Variants in ARFGEF3 observed in about 807,000 individuals in gnomAD.
ARFGEF3 encodes the protein brefeldin A-inhibited guanine nucleotide-exchange protein 3.
In ARFGEF3, 96 loss-of-function variants were observed where a neutral mutation model predicts 221.7. That is an observed-to-expected ratio of 0.43 (90% CI 0.37 to 0.51). The LOEUF is 0.51. ARFGEF3 is among the 20% of genes least tolerant of loss of function. ARFGEF3 has a pLI of 0.00. For missense variants in ARFGEF3, 2,410 were observed against 2,789.9 expected, an observed-to-expected ratio of 0.86 and a Z score of 3.07; for synonymous variants, 1,145 against 1,126.8, an observed-to-expected ratio of 1.02 and a Z score of -0.32.
intron 2 of ARFGEF3, among the ~76,000 whole-genome samples, chr6:138,192,208 G>A (rs1390364749): frequency 6.6e-6 from 1 of 152,144 alleles, no homozygotes; most frequent in Admixed American, 6.5e-5. Context: ...AGCTGTCGGG[G>A]CCAGGCAAGG....
intron 10 of ARFGEF3, among the ~76,000 whole-genome samples, chr6:138,259,782 C>T (rs375071313): frequency 1.3e-5 from 2 of 152,090 alleles, no homozygotes; most frequent in African/African-American, 2.4e-5. Context: ...GGCATGGTGG[C>T]GCACACCTGT....
In ARFGEF3 at chr6:138,297,941, A is replaced by G. The variant is rs547863296; in HGVS notation, c.3649-665A>G. Among the ~76,000 whole-genome samples the G allele has an allele frequency of 2.0e-5, 3 of 152,282 alleles. No individual in the cohort carries two copies. The South Asian group carries it at 6.2e-4, about 32-fold the overall frequency. Reference sequence around the variant, plus strand: ...GCTAGACAAATAGGTCTCTCTTTTCATGGTCTCTCATGTAGACTAGACTCC... The same window carrying G: ...GCTAGACAAATAGGTCTCTCTTTTCGTGGTCTCTCATGTAGACTAGACTCC... On this transcript the variant is annotated intron_variant, in intron 21 of 33. Transcript: ENST00000251691.
intron 1 of ARFGEF3, among the ~76,000 whole-genome samples, chr6:138,167,674 A>G (rs1776748144): frequency 6.6e-6 from 1 of 151,868 alleles, no homozygotes; most frequent in Admixed American, 6.6e-5. Context: ...ACTTCTTTCT[A>G]CCTCTGTTGC....
chr6:138,281,560 A>C (rs1017820000), intron 14 of ARFGEF3, among the ~76,000 whole-genome samples: 1 of 152,200 alleles, frequency 6.6e-6, no homozygotes, highest in Admixed American at 6.5e-5. Context: ...GTGAGAACAT[A>C]TGGCATTTGG....
chr6:138,293,595 C>G (rs866955232), intron 19 of ARFGEF3, among the ~76,000 whole-genome samples: 74 of 152,170 alleles, frequency 4.9e-4, no homozygotes, highest in African/African-American at 1.8e-3. Context: ...TATAGACAAA[C>G]AAAACCTTAT....
chr6:138,215,750 A>G (rs1777830511), intron 4 of ARFGEF3, among the ~76,000 whole-genome samples: 1 of 152,022 alleles, frequency 6.6e-6, no homozygotes, highest in Non-Finnish European at 1.5e-5. Flanking sequence ...TCTTCCCGTG[A>G]TAATGATATT....
intron 4 of ARFGEF3, among the ~76,000 whole-genome samples, chr6:138,225,578 A>G (rs966131390): frequency 6.6e-6 from 1 of 152,214 alleles, no homozygotes; most frequent in African/African-American, 2.4e-5. Context: ...AGTTTTTTTG[A>G]TGTCAAAGAC....
At position 138,209,733 on chromosome 6, in the gene ARFGEF3, C is replaced by A. The variant is rs113475378; in HGVS notation, c.220-177C>A. Among the ~76,000 whole-genome samples, 1,253 of 152,310 alleles carry A rather than the reference C, an allele frequency of 8.2e-3. 12 individuals carry two copies. Among genetic ancestry groups the A allele is most frequent in the African/African-American group, 0.028 (1,176 of 41,562 alleles). On this transcript the variant is annotated intron_variant, in intron 3 of 33. Coordinates refer to ENST00000251691, the MANE Select transcript of ARFGEF3 (RefSeq NM_020340.5). ...AAAGTGCTGGGATTACAGGCATGAG[C>A]CACTGCCCTGGCCGCATTTTTCTTT...
intron 21 of ARFGEF3, among the ~76,000 whole-genome samples, 193 bp from the exon 22 acceptor site, chr6:138,298,413 C>G (rs540521471): frequency 1.3e-5 from 2 of 152,166 alleles, no homozygotes; most frequent in Admixed American, 6.5e-5. Flanking sequence ...GAGGTTGTAC[C>G]TGATAAGCTG....
chr6:138,294,816 A>G (rs558345833), intron 20 of ARFGEF3, among the ~76,000 whole-genome samples: 4 of 152,324 alleles, frequency 2.6e-5, no homozygotes, highest in African/African-American at 9.6e-5. Flanking sequence ...CTTGTCCCAG[A>G]TGAGTTCAGG....
intron 26 of ARFGEF3, 52 bp downstream of exon 26, chr6:138,313,991 A>G (rs2114670045): frequency 1.9e-6 from 3 of 1,576,528 alleles, no homozygotes; most frequent in Non-Finnish European, 2.6e-6. Context: ...TCATATTCCC[A>G]GAAGCTTAAG....
intron 10 of ARFGEF3, among the ~76,000 whole-genome samples, chr6:138,258,239 C>T (rs1006950555): frequency 1.3e-5 from 2 of 152,228 alleles, no homozygotes; most frequent in Admixed American, 1.3e-4. Context: ...ACCTCCCCGC[C>T]TCTTCAGGGT....
intron 4 of ARFGEF3, among the ~76,000 whole-genome samples, chr6:138,211,006 T>G (rs768905940): frequency 1.3e-5 from 2 of 152,216 alleles, no homozygotes; most frequent in Non-Finnish European, 2.9e-5. Context: ...GAAGCCAGCC[T>G]GTCTGGGTTT....
At chr6:138,302,552 C>T (rs1779646186) in intron 22 of ARFGEF3, among the ~76,000 whole-genome samples, 2 of 151,892 alleles carry the variant, frequency 1.3e-5, no homozygotes, top group Admixed American at 6.6e-5. Flanking sequence ...TAGTGGAACC[C>T]CAATTAAGAT....
At chr6:138,218,125 T>G in intron 4 of ARFGEF3, 1 of 1,613,994 alleles carries the variant, frequency 6.2e-7, no homozygotes, top group Non-Finnish European at 8.5e-7. Context: ...GAGGAACCTT[T>G]CATGGTCAAG....
At chr6:138,321,369 A>G (rs1780023625) in intron 29 of ARFGEF3, 144 bp downstream of exon 29, 2 of 596,164 alleles carry the variant, frequency 3.4e-6, no homozygotes, top group African/African-American at 1.9e-5. Context: ...GACTGTGCTA[A>G]TAATTCTTCA....
chr6:138,269,372 C>T (rs1778956448), intron 12 of ARFGEF3, among the ~76,000 whole-genome samples: 1 of 152,228 alleles, frequency 6.6e-6, no homozygotes, highest in Non-Finnish European at 1.5e-5. Flanking sequence ...GTTTAAACAC[C>T]TCAAAAGATG....
At chr6:138,301,719 A>AT (rs1435900688) in intron 22 of ARFGEF3, among the ~76,000 whole-genome samples, 1 of 152,192 alleles carries the variant, frequency 6.6e-6, no homozygotes, top group African/African-American at 2.4e-5. Flanking sequence ...TAAAAGGGAG[A>AT]TAAAAACTGG....
chr6:138,333,626 T>C (rs1289712719), intron 32 of ARFGEF3, among the ~76,000 whole-genome samples: 2 of 152,082 alleles, frequency 1.3e-5, no homozygotes, highest in Non-Finnish European at 2.9e-5. Context: ...GTATTTTTAG[T>C]AGAGACGGGG....
Sources: allele counts gnomAD v4.1 joint callset (sites outside exome capture counted in the v4.1 genomes callset), GRCh38; gene constraint gnomAD v4.1.1; transcripts MANE v1.5; gene names NCBI Gene and HGNC (gene_info 2026-07-23, HGNC 2026-07-21).